Variants in KIRREL3 observed in about 807,000 individuals in gnomAD.
The protein encoded by KIRREL3 is kirre like nephrin family adhesion molecule 3.
Under a neutral mutation model 89.7 loss-of-function variants are expected in KIRREL3, and 36 were observed. The ratio of observed to expected loss-of-function variants is 0.40; its 90% CI spans 0.31 to 0.53. KIRREL3 has a LOEUF of 0.53. KIRREL3 is among the 20% of genes least tolerant of loss of function. The probability of loss-of-function intolerance (pLI) is 0.49; values close to 1 mark genes in which losing one functional copy is unlikely to be tolerated. For synonymous variants in KIRREL3, 445 were observed against 441.4 expected, an observed-to-expected ratio of 1.01 and a Z score of -0.10; for missense variants, 864 against 1,056.6, an observed-to-expected ratio of 0.82 and a Z score of 2.53.
chr11:126,790,719 C>A (rs1328977223), intron 1 of KIRREL3, among the ~76,000 whole-genome samples: 1 of 152,038 alleles, frequency 6.6e-6, no homozygotes, highest in Non-Finnish European at 1.5e-5. Flanking sequence ...TGATTTCCAA[C>A]CCTAATCGCA....
intron 1 of KIRREL3, among the ~76,000 whole-genome samples, chr11:126,603,488 G>A (rs1429380803): frequency 1.3e-5 from 2 of 152,234 alleles, no homozygotes; most frequent in Non-Finnish European, 2.9e-5. Flanking sequence ...TAAGCAGGGA[G>A]GGCCACAGAA....
chr11:126,546,448 G>A (rs1398228419), intron 2 of KIRREL3, among the ~76,000 whole-genome samples: 5 of 152,214 alleles, frequency 3.3e-5, no homozygotes, highest in African/African-American at 1.2e-4. Context: ...TTCCTGATGA[G>A]CTGCCCCTGC....
rs546054636 is a variant in KIRREL3, at chr11:126,997,257, C to G, written c.55+3198G>C. ...GACAAAAGAATCGATTATTTTTTCA[C>G]CCAGGGGCAGAACATGTCTATTCTC... On this transcript the variant is annotated intron_variant, in intron 1 of 16. Transcript: ENST00000525144. This position sits in a 1 kb window ranked among gnomAD's most constrained non-coding sequence, Gnocchi z 4.3. Among the ~76,000 whole-genome samples the G allele has an allele frequency of 6.6e-6, 1 of 152,218 alleles. No individual in the cohort carries two copies. The highest frequency in any genetic ancestry group is 2.4e-5 in the African/African-American group (1 of 41,518).
At chr11:126,449,247 G>T (rs755715521) in intron 7 of KIRREL3, 90 bp from the exon 8 acceptor site, 27 of 1,468,272 alleles carry the variant, frequency 1.8e-5, no homozygotes, top group Non-Finnish European at 2.4e-5. Context: ...GAAAAATGAG[G>T]CCTGGGTTGT....
intron 1 of KIRREL3, among the ~76,000 whole-genome samples, chr11:126,712,947 G>T (rs1947819912): frequency 6.6e-6 from 1 of 152,114 alleles, no homozygotes; most frequent in African/African-American, 2.4e-5. Flanking sequence ...CTAGGTATTA[G>T]GTGCTAGGTG....
At chr11:126,934,676 A>G (rs1948102392) in intron 1 of KIRREL3, among the ~76,000 whole-genome samples, 1 of 152,244 alleles carries the variant, frequency 6.6e-6, no homozygotes, top group African/African-American at 2.4e-5. Context: ...AAACATTTGC[A>G]AAAGTCATAT....
At position 126,696,510 on chromosome 11, in the gene KIRREL3, C is replaced by T. The variant is rs1947102577; in HGVS notation, c.56-133598G>A. Among the ~76,000 whole-genome samples the T allele has an allele frequency of 6.6e-6, 1 of 152,182 alleles. No individual in the cohort carries two copies. The highest frequency in any genetic ancestry group is 6.5e-5 in the Admixed American group (1 of 15,284). Reference sequence around the variant, plus strand: ...TGTACGCAGGCATGTGGCCTCTTGCCTCGACATCTGGCCCCACCGTCCAAC... The same window carrying T: ...TGTACGCAGGCATGTGGCCTCTTGCTTCGACATCTGGCCCCACCGTCCAAC... On this transcript the variant is annotated intron_variant, in intron 1 of 16. Coordinates refer to ENST00000525144, the MANE Select transcript of KIRREL3 (RefSeq NM_032531.4). This position sits in a 1 kb window ranked among gnomAD's most constrained non-coding sequence, Gnocchi z 4.4.
intron 1 of KIRREL3, among the ~76,000 whole-genome samples, chr11:126,937,670 C>G (rs748031561): frequency 3.3e-5 from 5 of 151,840 alleles, no homozygotes; most frequent in Admixed American, 6.6e-5. Context: ...GAGGCCAAGG[C>G]GGGTGGATCA....
chr11:126,763,109 G>T lies in KIRREL3; in HGVS notation c.56-200197C>A, dbSNP rs533410400. On this transcript the variant is annotated intron_variant, in intron 1 of 16. Transcript: ENST00000525144. The surrounding 1 kb of genome is among the most constrained non-coding windows in gnomAD (Gnocchi z 4.7). ...AACTTCCAAACACATTCCTATCCTC[G>T]TCTGGCATTGAGAGAAGAGTGCAGG... 6.6e-6 allele frequency among the ~76,000 whole-genome samples: 1 copy of T among 152,118 alleles called. No individual in the cohort carries two copies. Among genetic ancestry groups the T allele is most frequent in the Non-Finnish European group, 1.5e-5 (1 of 68,040 alleles).
Position 126,769,342 on chromosome 11 carries a change from G to T in KIRREL3, c.56-206430C>A, listed in dbSNP as rs1949947671. ...GGTAGGCTCTGTGGAAGCAAATCTT[G>T]AAGGATGGATAGAATTTTGGTGATA... is the stretch of plus-strand genomic sequence containing the variant. On this transcript the variant is annotated intron_variant, in intron 1 of 16. Transcript: ENST00000525144. This position sits in a 1 kb window ranked among gnomAD's most constrained non-coding sequence, Gnocchi z 4.3. Among the ~76,000 whole-genome samples the T allele has an allele frequency of 2.0e-5, 3 of 152,278 alleles. No individual in the cohort carries two copies. The South Asian group carries it at 6.2e-4, about 32-fold the overall frequency.
chr11:126,659,339 C>T (rs949702301), intron 1 of KIRREL3, among the ~76,000 whole-genome samples: 8 of 152,300 alleles, frequency 5.3e-5, no homozygotes, highest in African/African-American at 1.9e-4. Context: ...ATATTGAACA[C>T]TTATCATAAT....
intron 1 of KIRREL3, among the ~76,000 whole-genome samples, chr11:126,661,131 T>C (rs538961343): frequency 1.3e-5 from 2 of 152,178 alleles, no homozygotes; most frequent in Non-Finnish European, 2.9e-5. Flanking sequence ...GAAAGCACAA[T>C]GTTGTAACTG....
At position 126,891,851 on chromosome 11, in the gene KIRREL3, G is replaced by T. The variant is rs960240181; in HGVS notation, c.55+108604C>A. ...TCTTTTCTTTGAAAGGGACAGAGGA[G>T]TGTGGTCCTTGGGACATCTAGCCCA... On this transcript the variant is annotated intron_variant, in intron 1 of 16. Transcript: ENST00000525144. This position sits in a 1 kb window ranked among gnomAD's most constrained non-coding sequence, Gnocchi z 5.1. 2.0e-5 allele frequency among the ~76,000 whole-genome samples: 3 copies of T among 152,232 alleles called. No individual in the cohort carries two copies. Among genetic ancestry groups the T allele is most frequent in the Non-Finnish European group, 2.9e-5 (2 of 68,036 alleles).
In KIRREL3 at chr11:126,521,472, G is replaced by A. The variant is rs1306391550; in HGVS notation, c.284-8C>T. ...CCAGGTACTGTGGGTAACCTGTGGA[G>A]ACAACAGGCAGGTCAGGGAGCTGGG... On this transcript the variant is annotated splice_region_variant and splice_polypyrimidine_tract_variant and intron_variant, in intron 3 of 16. Coordinates refer to ENST00000525144, the MANE Select transcript of KIRREL3 (RefSeq NM_032531.4). The surrounding 1 kb of genome is among the most constrained non-coding windows in gnomAD (Gnocchi z 4.1). 5 of 1,579,330 alleles carry A rather than the reference G, an allele frequency of 3.2e-6. No homozygotes were observed. The highest frequency in any genetic ancestry group is 4.3e-6 in the Non-Finnish European group (5 of 1,162,728).
chr11:126,735,154 G>T (rs1376656263), intron 1 of KIRREL3, among the ~76,000 whole-genome samples: 10 of 152,186 alleles, frequency 6.6e-5, no homozygotes, highest in Non-Finnish European at 1.5e-4. Context: ...GCTAGTTGGG[G>T]CCTTTGATGA....
intron 2 of KIRREL3, among the ~76,000 whole-genome samples, chr11:126,560,898 A>G (rs1334998893): frequency 6.6e-6 from 1 of 152,178 alleles, no homozygotes; most frequent in Non-Finnish European, 1.5e-5. Flanking sequence ...TAGCATGGAC[A>G]GAGATTTCTA....
chr11:126,723,992 A>C lies in KIRREL3; in HGVS notation c.56-161080T>G, dbSNP rs1427860053. ...GCTTTCATAAGCTCCATGATGATTAAAAGAAGTGTAGGCAGCTCCAAGGCC... is the reference window on the plus strand; with the variant it reads ...GCTTTCATAAGCTCCATGATGATTACAAGAAGTGTAGGCAGCTCCAAGGCC... On this transcript the variant is annotated intron_variant, in intron 1 of 16. Transcript: ENST00000525144. This position sits in a 1 kb window ranked among gnomAD's most constrained non-coding sequence, Gnocchi z 4.0. 2.0e-5 allele frequency among the ~76,000 whole-genome samples: 3 copies of C among 152,230 alleles called. No homozygotes were observed. The highest frequency in any genetic ancestry group is 2.9e-5 in the Non-Finnish European group (2 of 68,030).
intron 1 of KIRREL3, among the ~76,000 whole-genome samples, chr11:126,901,737 T>G (rs533240412): frequency 6.6e-6 from 1 of 152,312 alleles, no homozygotes; most frequent in African/African-American, 2.4e-5. Flanking sequence ...CTCCCCTACA[T>G]GACTGTATGT....
Position 126,486,861 on chromosome 11 carries a change from C to A in KIRREL3, c.434-13395G>T, listed in dbSNP as rs755632964. 6.6e-6 allele frequency among the ~76,000 whole-genome samples: 1 copy of A among 152,146 alleles called. No homozygotes were observed. Among genetic ancestry groups the A allele is most frequent in the Non-Finnish European group, 1.5e-5 (1 of 68,034 alleles). ...AATAGCATCAAGGCAGCCATCCTGA[C>A]CCAGCAAAGGGCCAGGCAGGGACTT... On this transcript the variant is annotated intron_variant, in intron 4 of 16. Transcript: ENST00000525144. This position sits in a 1 kb window ranked among gnomAD's most constrained non-coding sequence, Gnocchi z 6.2.
Sources: allele counts gnomAD v4.1 joint callset (sites outside exome capture counted in the v4.1 genomes callset), GRCh38; gene constraint gnomAD v4.1.1; non-coding constraint Gnocchi (gnomAD v3.1); transcripts MANE v1.5; gene names NCBI Gene and HGNC (gene_info 2026-07-23, HGNC 2026-07-21).